Variants in RHNO1 observed in about 807,000 individuals in gnomAD.
RHNO1 encodes the protein RAD9, HUS1, RAD1-interacting nuclear orphan protein 1.
RHNO1 carries 9 observed loss-of-function variants against 7.2 expected under a neutral mutation model. The ratio of observed to expected loss-of-function variants is 1.25; its 90% CI spans 0.75 to 2.18. RHNO1 has a LOEUF of 2.18. RHNO1 is among the 30% of genes most tolerant of loss of function. The pLI is 0.00. For missense variants in RHNO1, 292 were observed against 284.5 expected, an observed-to-expected ratio of 1.03 and a Z score of -0.19; for synonymous variants, 95 against 107.5, an observed-to-expected ratio of 0.88 and a Z score of 0.72.
Position 2,887,963 on chromosome 12 carries a change from AAC to A in RHNO1, c.224_225del (p.His75ProfsTer22). On this transcript the variant is annotated frameshift_variant, in exon 3 of 3. Coordinates refer to ENST00000489288, the MANE Select transcript of RHNO1 (RefSeq NM_001252499.3). LOFTEE classifies it low-confidence loss of function (END_TRUNC). ...GGAAGCTTGTTCCCAGCCTACCAGA[AAC>A]ACCAAAACCGGGCGAGACACTCAAG... 1 of 1,613,132 alleles carries A rather than the reference AAC, an allele frequency of 6.2e-7. No individual in the cohort carries two copies. Among genetic ancestry groups the A allele is most frequent in the Non-Finnish European group, 8.5e-7 (1 of 1,179,684 alleles).
chr12:2,879,906 C>T (rs1485601666), intron 1 of RHNO1, among the ~76,000 whole-genome samples: 1 of 151,982 alleles, frequency 6.6e-6, no homozygotes, highest in Non-Finnish European at 1.5e-5. Context: ...TGTTGATACG[C>T]ATAGGTTTGT....
rs371566820 is a variant in RHNO1 at position 2,889,472 on chromosome 12, G to A, written c.*1013G>A. On this transcript the variant is annotated 3_prime_UTR_variant, in exon 3 of 3. Coordinates refer to ENST00000489288, the MANE Select transcript of RHNO1 (RefSeq NM_001252499.3). Reference sequence around the variant, plus strand: ...ACTTCCCCAGTCAACCGAATGTCTCGGCCTTTTACTCAGACAAGTAGCATC... The same window carrying A: ...ACTTCCCCAGTCAACCGAATGTCTCAGCCTTTTACTCAGACAAGTAGCATC... 2.0e-5 allele frequency: 3 copies of A among 152,070 alleles called. No individual in the cohort carries two copies. The highest frequency in any genetic ancestry group is 7.2e-5 in the African/African-American group (3 of 41,406). 9.4% of individuals were successfully genotyped at this position (152,070 alleles called of 1,614,324 possible).
intron 1 of RHNO1, among the ~76,000 whole-genome samples, chr12:2,881,937 G>A (rs942385985): frequency 6.6e-6 from 1 of 151,338 alleles, no homozygotes; most frequent in Non-Finnish European, 1.5e-5. Context: ...AAGAGAAACT[G>A]TGTCCTTTTT....
At chr12:2,880,835 C>T (rs1170658875) in intron 1 of RHNO1, among the ~76,000 whole-genome samples, 4 of 151,908 alleles carry the variant, frequency 2.6e-5, no homozygotes, top group African/African-American at 9.7e-5. Context: ...GACGAGGTCT[C>T]TCTATGTTGC....
In RHNO1 at chr12:2,885,560, C is replaced by CTTT. The variant is rs2098164432; in HGVS notation, c.168+26_168+27insTTT. On this transcript the variant is annotated intron_variant, in intron 2 of 2. Coordinates refer to ENST00000489288, the MANE Select transcript of RHNO1 (RefSeq NM_001252499.3). ...GTAGGCCCATGGGATTACTATTTGA[C>CTTT]ATTTTTTTTTTTTTTTTTTTTTTTT... 1.0e-4 allele frequency: 77 copies of CTTT among 737,638 alleles called. 10 individuals carry two copies. The African/African-American group carries it at 1.3e-3, about 12-fold the overall frequency. The allele number at this position is 737,638 out of a possible 1,614,324, so 45.7% of individuals were successfully genotyped here.
At position 2,888,600 on chromosome 12, in the gene RHNO1, T is replaced by G; in HGVS notation, c.*141T>G. On this transcript the variant is annotated 3_prime_UTR_variant, in exon 3 of 3. Coordinates refer to ENST00000489288, the MANE Select transcript of RHNO1 (RefSeq NM_001252499.3). ...TGGAGTGCAGTGGTATGATCTCACC[T>G]TACTGCAACCACCACTTCCTGGGTT... 1.6e-6 allele frequency: 1 copy of G among 618,412 alleles called. No individual in the cohort carries two copies. The highest frequency in any genetic ancestry group is 2.6e-6 in the Non-Finnish European group (1 of 391,374). 38.3% of individuals were successfully genotyped at this position (618,412 alleles called of 1,614,324 possible).
At chr12:2,880,397 A>G (rs1290347747) in intron 1 of RHNO1, among the ~76,000 whole-genome samples, 1 of 151,840 alleles carries the variant, frequency 6.6e-6, no homozygotes, top group East Asian at 1.9e-4. Context: ...TGGGCAGATC[A>G]CCTGAGGTCA....
intron 1 of RHNO1, among the ~76,000 whole-genome samples, chr12:2,882,436 C>T (rs1293151934): frequency 1.3e-5 from 2 of 151,820 alleles, no homozygotes; most frequent in African/African-American, 2.4e-5. Context: ...TGGTGGCTCA[C>T]GCTTGTAACC....
At position 2,887,352 on chromosome 12, in the gene RHNO1, C is replaced by T. The variant is rs184417577; in HGVS notation, c.169-559C>T. On this transcript the variant is annotated intron_variant, in intron 2 of 2. Coordinates refer to ENST00000489288, the MANE Select transcript of RHNO1 (RefSeq NM_001252499.3). The stretch of plus-strand genomic sequence containing the variant: ...AATTAACTGGTCGTGGTGGTGCGCA[C>T]CTATATTCCCAGCTACACGGGAAGC... Among the ~76,000 whole-genome samples the T allele has an allele frequency of 5.3e-5, 8 of 152,090 alleles. No individual in the cohort carries two copies. The East Asian group carries it at 1.5e-3, about 29-fold the overall frequency.
intron 2 of RHNO1, chr12:2,886,855 C>T (rs1010676484): frequency 3.8e-5 from 16 of 419,430 alleles, no homozygotes; most frequent in Admixed American, 1.5e-4. Flanking sequence ...ACATCAGAAT[C>T]CTGTGGATGA....
At position 2,889,454 on chromosome 12, in the gene RHNO1, C is replaced by T. The variant is rs975181700; in HGVS notation, c.*995C>T. ...TGTAATTAATGCAGAAGGACTTCCC[C>T]AGTCAACCGAATGTCTCGGCCTTTT... On this transcript the variant is annotated 3_prime_UTR_variant, in exon 3 of 3. Transcript: ENST00000489288. The T allele has an allele frequency of 1.3e-5, 2 of 152,150 alleles. No homozygotes were observed. Among genetic ancestry groups the T allele is most frequent in the African/African-American group, 4.8e-5 (2 of 41,426 alleles). 9.4% of individuals were successfully genotyped at this position (152,150 alleles called of 1,614,324 possible).
At position 2,881,672 on chromosome 12, in the gene RHNO1, C is replaced by T. The variant is rs567498591; in HGVS notation, c.-84-3611C>T. ...CTGTAATCCCAGCACTTTGGGAGGC[C>T]GAGGCGGGTGGATCACGAGGTCAGG... On this transcript the variant is annotated intron_variant, in intron 1 of 2. Transcript: ENST00000489288. Among the ~76,000 whole-genome samples the T allele has an allele frequency of 6.6e-5, 10 of 151,804 alleles. No individual in the cohort carries two copies. In the South Asian group the frequency reaches 1.5e-3, roughly 22 times the overall value.
chr12:2,879,026 G>A (rs976969585), intron 1 of RHNO1, among the ~76,000 whole-genome samples: 3 of 151,616 alleles, frequency 2.0e-5, no homozygotes, highest in Admixed American at 1.3e-4. Flanking sequence ...TAGAGACAGG[G>A]TCTTGCTCTG....
intron 2 of RHNO1, among the ~76,000 whole-genome samples, chr12:2,887,668 T>C (rs1281135724): frequency 1.3e-5 from 2 of 152,068 alleles, no homozygotes; most frequent in African/African-American, 2.4e-5. Context: ...AAAAAAGTTA[T>C]ATCCATATGG....
At chr12:2,877,776 C>T (rs1049194149) in intron 1 of RHNO1, among the ~76,000 whole-genome samples, 4 of 152,248 alleles carry the variant, frequency 2.6e-5, no homozygotes, top group African/African-American at 9.6e-5. Flanking sequence ...TGAGCAACTG[C>T]TGTGCGCCAG....
At position 2,889,184 on chromosome 12, in the gene RHNO1, T is replaced by TC; in HGVS notation, c.*725_*726insC. On this transcript the variant is annotated 3_prime_UTR_variant, in exon 3 of 3. Transcript: ENST00000489288. ...TGACTCTATGGTTGACTGCCACCTC[T>TC]GCAACCTTGACTCATCTGCTGAAAA... 6.6e-6 allele frequency: 1 copy of TC among 152,176 alleles called. No individual in the cohort carries two copies. Among genetic ancestry groups the TC allele is most frequent in the African/African-American group, 2.4e-5 (1 of 41,444 alleles). 9.4% of individuals were successfully genotyped at this position (152,176 alleles called of 1,614,324 possible). A position where few individuals can be genotyped will look rare whatever the true frequency, so the allele number is the denominator to read the frequency against.
chr12:2,882,899 A>G (rs1450933869), intron 1 of RHNO1, among the ~76,000 whole-genome samples: 2 of 151,934 alleles, frequency 1.3e-5, no homozygotes, highest in Non-Finnish European at 2.9e-5. Context: ...TCATCTCTAT[A>G]AAAAATGTTT....
upstream of RHNO1, chr12:2,877,064 C>A (rs978760934): frequency 2.6e-5 from 4 of 151,984 alleles, no homozygotes; most frequent in African/African-American, 7.2e-5. Context: ...GGGGTGGGAA[C>A]CCCGGGGGAT....
rs2098168508 is a variant in RHNO1 at position 2,888,582 on chromosome 12, C to T, written c.*123C>T. ...TTGCTCTGTTGCCCAGGCTGGAGTG[C>T]AGTGGTATGATCTCACCTTACTGCA... is the stretch of plus-strand genomic sequence containing the variant. On this transcript the variant is annotated 3_prime_UTR_variant, in exon 3 of 3. Transcript: ENST00000489288. The T allele has an allele frequency of 1.4e-5, 12 of 836,060 alleles. No homozygotes were observed. The highest frequency in any genetic ancestry group is 2.1e-5 in the Non-Finnish European group (12 of 559,844). 51.8% of individuals were successfully genotyped at this position (836,060 alleles called of 1,614,324 possible).
Sources: allele counts gnomAD v4.1 joint callset (sites outside exome capture counted in the v4.1 genomes callset), GRCh38; gene constraint gnomAD v4.1.1; transcripts MANE v1.5; gene names NCBI Gene and HGNC (gene_info 2026-07-23, HGNC 2026-07-21).